Variants in PSMD1 observed in about 807,000 individuals in gnomAD.
PSMD1 encodes 26S proteasome non-ATPase regulatory subunit 1.
A neutral mutation model predicts 119.0 loss-of-function variants in PSMD1; 18 were observed. The ratio of observed to expected loss-of-function variants is 0.15; its 90% CI spans 0.10 to 0.22. The LOEUF (loss-of-function observed/expected upper bound fraction) is 0.22. Ranked by LOEUF, PSMD1 falls within the 10% of genes least tolerant of loss-of-function variation. PSMD1 has a pLI of 1.00. For synonymous variants in PSMD1, 374 were observed against 396.6 expected (o/e 0.94, Z 0.68); for missense variants, 702 against 1,158.5 (o/e 0.61, Z 5.72).
intron 7 of PSMD1, among the ~76,000 whole-genome samples, chr2:231,074,251 G>A (rs1007557600): frequency 6.6e-5 from 10 of 151,952 alleles, no homozygotes; most frequent in Non-Finnish European, 8.8e-5. Context: ...GGCTACAGGC[G>A]CAGGCTATCA....
intron 16 of PSMD1, among the ~76,000 whole-genome samples, chr2:231,106,713 G>A (rs760903145): frequency 7.2e-5 from 11 of 152,098 alleles, no homozygotes; most frequent in East Asian, 3.8e-4. Context: ...GTAGGTGTGC[G>A]TATATTTAAG....
rs1412748758 is a variant in PSMD1, at chr2:231,165,403, C to T, written c.2568+117C>T. ...TCTTGGCTTCCTTCAAACAATTATC[C>T]TGTTGCCAGCATGTAGAATCATCAA... On this transcript the variant is annotated intron_variant, in intron 22 of 24. Coordinates refer to ENST00000308696, the MANE Select transcript of PSMD1 (RefSeq NM_002807.4). The T allele has an allele frequency of 4.1e-6, 5 of 1,218,228 alleles. No individual in the cohort carries two copies. The Admixed American group carries it at 9.6e-5, about 23-fold the overall frequency. The allele number at this position is 1,218,228 out of a possible 1,614,324, so 75.5% of individuals were successfully genotyped here.
At chr2:231,096,195 C>T (rs1053701069) in intron 16 of PSMD1, among the ~76,000 whole-genome samples, 1 of 152,216 alleles carries the variant, frequency 6.6e-6, no homozygotes, top group Non-Finnish European at 1.5e-5. Flanking sequence ...ACCAGGCAGG[C>T]TAAGAGCTCC....
intron 5 of PSMD1, among the ~76,000 whole-genome samples, chr2:231,069,188 TAAAA>T (rs547758033): frequency 6.9e-6 from 1 of 144,174 alleles, no homozygotes; most frequent in African/African-American, 2.5e-5. Flanking sequence ...AAAAATGTTT[TAAAA>T]AAAAAAAAGC....
intron 23 of PSMD1, among the ~76,000 whole-genome samples, chr2:231,168,227 T>TA (rs2125273234): frequency 6.6e-6 from 1 of 152,338 alleles, no homozygotes; most frequent in Non-Finnish European, 1.5e-5. Context: ...AAAGTAAAGT[T>TA]ACAGCCACAG....
At chr2:231,165,397 A>G (rs1387826276) in intron 22 of PSMD1, 111 bp downstream of exon 22, 2 of 1,258,830 alleles carry the variant, frequency 1.6e-6, no homozygotes, top group Admixed American at 3.1e-5. Flanking sequence ...CCTTCAAACA[A>G]TTATCCTGTT....
chr2:231,088,523 T>C (rs1244203221), intron 16 of PSMD1, among the ~76,000 whole-genome samples: 1 of 152,236 alleles, frequency 6.6e-6, no homozygotes, highest in Non-Finnish European at 1.5e-5. Context: ...TTCCAGACTT[T>C]TTCGTTATTT....
intron 17 of PSMD1, among the ~76,000 whole-genome samples, chr2:231,144,316 A>AT (rs1329411163): frequency 6.8e-6 from 1 of 147,802 alleles, no homozygotes; most frequent in Non-Finnish European, 1.5e-5. Context: ...CAATGGCACT[A>AT]TCCTGCCTCA....
In PSMD1 at chr2:231,095,266, C is replaced by T. The variant is rs572202086; in HGVS notation, c.1883+8085C>T. Among the ~76,000 whole-genome samples the T allele has an allele frequency of 6.6e-5, 10 of 152,244 alleles. No individual in the cohort carries two copies. The South Asian group carries it at 1.7e-3, about 25-fold the overall frequency. On this transcript the variant is annotated intron_variant, in intron 16 of 24. Coordinates refer to ENST00000308696, the MANE Select transcript of PSMD1 (RefSeq NM_002807.4). ...AGTCATGCCCAAGGTGGGACGAAGC[C>T]AATTAATATTGCCCAATAATTTTTG...
chr2:231,078,792 T>TTTTTC, intron 10 of PSMD1, 45 bp downstream of exon 10: 1 of 315,318 alleles, frequency 3.2e-6, no homozygotes, highest in South Asian at 4.5e-5. Context: ...AATCTTTTTC[T>TTTTTC]TTTTTTTTTT....
At chr2:231,145,036 A>T (rs1311082404) in intron 17 of PSMD1, among the ~76,000 whole-genome samples, 1 of 152,212 alleles carries the variant, frequency 6.6e-6, no homozygotes, top group Admixed American at 6.5e-5. Context: ...ACCCTCAGTT[A>T]TATTGAAATT....
Position 231,128,917 on chromosome 2 carries a change from C to T in PSMD1, c.1884-9819C>T, listed in dbSNP as rs1695790733. ...AATTTTTGCCAGGTTATTGCCAGAACAAAAGAATAAGATTTTTTTTTGTCA... is the reference window on the plus strand; with the variant it reads ...AATTTTTGCCAGGTTATTGCCAGAATAAAAGAATAAGATTTTTTTTTGTCA... On this transcript the variant is annotated intron_variant, in intron 16 of 24. Transcript: ENST00000308696. 2.0e-5 allele frequency among the ~76,000 whole-genome samples: 3 copies of T among 152,210 alleles called. No homozygotes were observed. The South Asian group carries it at 6.2e-4, about 32-fold the overall frequency.
At chr2:231,073,204 A>G (rs1694081630) in intron 7 of PSMD1, among the ~76,000 whole-genome samples, 1 of 152,202 alleles carries the variant, frequency 6.6e-6, no homozygotes, top group Non-Finnish European at 1.5e-5. Context: ...GTGTCCCAAA[A>G]CAACTACAAT....
rs1166960387 is a variant in PSMD1, at chr2:231,083,293, A to T, written c.1526-274A>T. 2.0e-5 allele frequency among the ~76,000 whole-genome samples: 3 copies of T among 152,212 alleles called. No homozygotes were observed. In the East Asian group the frequency reaches 5.8e-4, roughly 29 times the overall value. ...TTGGCGATAATATAGAAAAAATGTT[A>T]TCTAAATGTCTCCTTTGAAATCACT... On this transcript the variant is annotated intron_variant, in intron 13 of 24. Coordinates refer to ENST00000308696, the MANE Select transcript of PSMD1 (RefSeq NM_002807.4).
intron 16 of PSMD1, among the ~76,000 whole-genome samples, chr2:231,103,388 T>G (rs902399826): frequency 3.9e-5 from 6 of 152,244 alleles, no homozygotes; most frequent in Non-Finnish European, 8.8e-5. Flanking sequence ...CTGGCACCTC[T>G]AAACGGGTTA....
intron 16 of PSMD1, among the ~76,000 whole-genome samples, chr2:231,107,340 C>T (rs1169243480): frequency 6.6e-6 from 1 of 152,116 alleles, no homozygotes; most frequent in Non-Finnish European, 1.5e-5. Flanking sequence ...AGAAGGACAG[C>T]AATAGAGTCA....
At chr2:231,110,626 A>G (rs552692153) in intron 16 of PSMD1, among the ~76,000 whole-genome samples, 3 of 152,286 alleles carry the variant, frequency 2.0e-5, no homozygotes, top group East Asian at 3.9e-4. Flanking sequence ...TGTTCCTCAA[A>G]CCCTTTCTAA....
At chr2:231,137,933 A>C (rs544300890) in intron 16 of PSMD1, among the ~76,000 whole-genome samples, 6 of 152,340 alleles carry the variant, frequency 3.9e-5, no homozygotes, top group Admixed American at 1.3e-4. Flanking sequence ...AAACATGCAC[A>C]AAATCATTAG....
intron 19 of PSMD1, among the ~76,000 whole-genome samples, chr2:231,154,565 T>A (rs1236431599): frequency 6.6e-6 from 1 of 152,226 alleles, no homozygotes; most frequent in Admixed American, 6.5e-5. Flanking sequence ...CCTCCTGGGC[T>A]CAGGCAATCA....
Sources: gnomAD v4.1 joint callset for allele counts (sites outside exome capture counted in the v4.1 genomes callset) on GRCh38, gnomAD v4.1.1 for gene constraint, MANE v1.5 for transcripts, NCBI Gene and HGNC (gene_info 2026-07-23, HGNC 2026-07-21) for gene names.